The following PDE1A variants were observed in gnomAD, a reference collection of about 807,000 sequenced individuals.
The protein encoded by PDE1A is dual specificity calcium/calmodulin-dependent 3',5'-cyclic nucleotide phosphodiesterase 1A.
In PDE1A, 35 loss-of-function variants were observed where a neutral mutation model predicts 61.7. The observed-to-expected ratio is 0.57, with a 90% confidence interval of 0.43 to 0.75. The LOEUF (loss-of-function observed/expected upper bound fraction) is 0.75, where lower values mean the gene tolerates loss of function less well. PDE1A is among the 30% of genes least tolerant of loss of function. The probability of loss-of-function intolerance (pLI) is 0.00; values close to 1 mark genes in which losing one functional copy is unlikely to be tolerated. For missense variants in PDE1A, 597 were observed against 630.6 expected (o/e 0.95, Z 0.57); for synonymous variants, 232 against 213.2 (o/e 1.09, Z -0.77).
rs764584165 is a variant in PDE1A at position 182,189,093 on chromosome 2, G to C, written c.1126-33C>G. 128 of 1,459,062 alleles carry C rather than the reference G, an allele frequency of 8.8e-5. 1 individual carries two copies. In the Admixed American group the frequency reaches 2.2e-3, roughly 26 times the overall value. 90.4% of individuals were successfully genotyped at this position (1,459,062 alleles called of 1,614,324 possible). A position where few individuals can be genotyped will look rare whatever the true frequency, so the allele number is the denominator to read the frequency against. On this transcript the variant is annotated intron_variant, in intron 10 of 13. Transcript: ENST00000351439. ...AAGAAAAGCACATTAATATAGACTTGGGTTGGAGAAGCTAAAATAATGAGC... is the reference window on the plus strand; with the variant it reads ...AAGAAAAGCACATTAATATAGACTTCGGTTGGAGAAGCTAAAATAATGAGC...
At chr2:182,308,923 C>T (rs1161063683) in intron 1 of PDE1A, among the ~76,000 whole-genome samples, 3 of 151,674 alleles carry the variant, frequency 2.0e-5, no homozygotes, top group Admixed American at 6.6e-5. Flanking sequence ...AAATTGGAAT[C>T]GTATTTATGC....
At chr2:182,583,778 C>A in the PDE1A span, among the ~76,000 whole-genome samples, 2 of 152,194 alleles carry the variant, frequency 1.3e-5, no homozygotes, top group African/African-American at 4.8e-5. Flanking sequence ...AGTGACAGGT[C>A]TTTGCCTTCA....
the PDE1A span, among the ~76,000 whole-genome samples, chr2:182,560,589 T>C: frequency 1.3e-5 from 2 of 152,066 alleles, no homozygotes; most frequent in African/African-American, 4.8e-5. Context: ...AGTAATGGGA[T>C]GGCTGGGTCA....
At chr2:182,458,874 C>A (rs77728868) in intron 2 of PDE1A, among the ~76,000 whole-genome samples, 27,762 of 151,922 alleles carry the variant, frequency 0.18, 3,060 homozygotes, top group Middle Eastern at 0.35. Flanking sequence ...ATAATTACAC[C>A]GATAACTGTG....
At chr2:182,390,314 G>A (rs1425374772) in intron 1 of PDE1A, among the ~76,000 whole-genome samples, 1 of 152,164 alleles carries the variant, frequency 6.6e-6, no homozygotes, top group Non-Finnish European at 1.5e-5. Context: ...ACTTCTAACA[G>A]TATGGAGAAC....
At chr2:182,609,363 C>A in the PDE1A span, among the ~76,000 whole-genome samples, 1 of 152,234 alleles carries the variant, frequency 6.6e-6, no homozygotes, top group African/African-American at 2.4e-5. Flanking sequence ...GCTGCCCCAG[C>A]CAGCCTGGTA....
intron 13 of PDE1A, among the ~76,000 whole-genome samples, chr2:182,177,246 G>C (rs2125352960): frequency 6.6e-6 from 1 of 152,280 alleles, no homozygotes; most frequent in South Asian, 2.1e-4. Flanking sequence ...GATTGGAATA[G>C]TTTCGGAAGG....
At chr2:182,411,557 T>A (rs28715871) in intron 1 of PDE1A, among the ~76,000 whole-genome samples, 1 of 152,194 alleles carries the variant, frequency 6.6e-6, no homozygotes, top group Admixed American at 6.5e-5. Context: ...CTTTAGTAGA[T>A]ACTACAAACA....
chr2:182,343,063 G>A (rs1336312390), intron 1 of PDE1A, among the ~76,000 whole-genome samples: 1 of 152,302 alleles, frequency 6.6e-6, no homozygotes, highest in East Asian at 1.9e-4. Flanking sequence ...ATTGGACTAT[G>A]GAGTGGATAC....
At chr2:182,374,289 A>C (rs1003921073) in intron 1 of PDE1A, among the ~76,000 whole-genome samples, 1 of 152,122 alleles carries the variant, frequency 6.6e-6, no homozygotes, top group Admixed American at 6.5e-5. Context: ...AGAAAGAATA[A>C]ACTTTATCCC....
chr2:182,425,832 G>GT (rs1416459523), intron 1 of PDE1A, among the ~76,000 whole-genome samples: 1 of 152,098 alleles, frequency 6.6e-6, no homozygotes, highest in Non-Finnish European at 1.5e-5. Context: ...AAAATCTTCT[G>GT]TTTTGAGGGG....
At chr2:182,460,490 C>T (rs768282208) in intron 2 of PDE1A, among the ~76,000 whole-genome samples, 44 of 152,276 alleles carry the variant, frequency 2.9e-4, no homozygotes, top group Non-Finnish European at 5.3e-4. Context: ...CCTCCTGCTT[C>T]AGCCTCCCAA....
the PDE1A span, among the ~76,000 whole-genome samples, chr2:182,704,020 G>A: frequency 9.6e-4 from 143 of 148,988 alleles, 1 homozygote; most frequent in African/African-American, 3.4e-3. Flanking sequence ...GGCCAACATG[G>A]TGAAACCCTG....
At chr2:182,380,096 C>G (rs1023427465) in intron 1 of PDE1A, among the ~76,000 whole-genome samples, 2 of 150,194 alleles carry the variant, frequency 1.3e-5, no homozygotes, top group Admixed American at 1.3e-4. Flanking sequence ...TCTTAGAAGA[C>G]CCAGCTCCTC....
At chr2:182,280,698 T>C (rs1255319201) in intron 1 of PDE1A, among the ~76,000 whole-genome samples, 1 of 151,962 alleles carries the variant, frequency 6.6e-6, no homozygotes, top group Non-Finnish European at 1.5e-5. Context: ...TATTCTCTAA[T>C]GCCTTCTCTT....
At chr2:182,325,770 T>A (rs1697001402) in intron 1 of PDE1A, among the ~76,000 whole-genome samples, 1 of 152,030 alleles carries the variant, frequency 6.6e-6, no homozygotes, top group African/African-American at 2.4e-5. Flanking sequence ...TACAAAAAAA[T>A]TAGCCTGGCA....
intron 1 of PDE1A, among the ~76,000 whole-genome samples, chr2:182,368,086 T>C (rs1290106810): frequency 6.6e-6 from 1 of 152,208 alleles, no homozygotes; most frequent in Non-Finnish European, 1.5e-5. Flanking sequence ...TTTTCTCATC[T>C]ATCTCCACCT....
intron 1 of PDE1A, among the ~76,000 whole-genome samples, chr2:182,417,946 G>GGTATTTATATATAC (rs1703023247): frequency 6.6e-6 from 1 of 152,054 alleles, no homozygotes; most frequent in South Asian, 2.1e-4. Flanking sequence ...TATATAATTT[G>GGTATTTATATATAC]CAGGTATTAC....
At chr2:182,643,346 T>A in the PDE1A span, among the ~76,000 whole-genome samples, 4 of 152,182 alleles carry the variant, frequency 2.6e-5, no homozygotes, top group African/African-American at 9.7e-5. Flanking sequence ...GGGAGCCAGG[T>A]CTGCCGCCTA....
Sources: allele counts gnomAD v4.1 joint callset (sites outside exome capture counted in the v4.1 genomes callset), GRCh38; gene constraint gnomAD v4.1.1; transcripts MANE v1.5; gene names NCBI Gene and HGNC (gene_info 2026-07-23, HGNC 2026-07-21).